The following PAPPA2 variants were observed in gnomAD, a reference collection of about 807,000 sequenced individuals.
PAPPA2 encodes the protein pappalysin 2, also known as pappalysin-2.
PAPPA2 carries 86 observed loss-of-function variants against 176.4 expected under a neutral mutation model. That is an observed-to-expected ratio of 0.49 (90% CI 0.41 to 0.58). The LOEUF is 0.58. PAPPA2 is among the 20% of genes least tolerant of loss of function. PAPPA2 has a pLI of 0.00. For synonymous variants in PAPPA2, 809 were observed against 852.2 expected (o/e 0.95, Z 0.88); for missense variants, 2,073 against 2,256.9 (o/e 0.92, Z 1.65).
At chr1:176,698,763 C>T (rs1660500534) in intron 7 of PAPPA2, among the ~76,000 whole-genome samples, 1 of 152,184 alleles carries the variant, frequency 6.6e-6, no homozygotes, top group Non-Finnish European at 1.5e-5. Context: ...GGACTAATCA[C>T]ATGTAATTCT....
chr1:176,587,450 T>C (rs774884093), intron 2 of PAPPA2, among the ~76,000 whole-genome samples: 3 of 152,236 alleles, frequency 2.0e-5, no homozygotes, highest in Non-Finnish European at 2.9e-5. Flanking sequence ...TTAATCCATC[T>C]TGAGTTAATT....
rs183685914 is a variant in PAPPA2, at chr1:176,844,701, G to A, written c.*2247G>A. ...AAAATTTTATAAACTTGTTTTATTGGGGAAAATGTCCAAATTGCTAGACAC... is the reference window on the plus strand; with the variant it reads ...AAAATTTTATAAACTTGTTTTATTGAGGAAAATGTCCAAATTGCTAGACAC... On this transcript the variant is annotated 3_prime_UTR_variant, in exon 23 of 23. Coordinates refer to ENST00000367662, the MANE Select transcript of PAPPA2 (RefSeq NM_020318.3). The A allele has an allele frequency of 6.6e-6, 1 of 152,112 alleles. No individual in the cohort carries two copies. Among genetic ancestry groups the A allele is most frequent in the Admixed American group, 6.5e-5 (1 of 15,272 alleles). The allele number at this position is 152,112 out of a possible 1,614,324, so 9.4% of individuals were successfully genotyped here.
chr1:176,684,483 G>T (rs376270495), intron 4 of PAPPA2, among the ~76,000 whole-genome samples: 1 of 152,054 alleles, frequency 6.6e-6, no homozygotes, highest in Admixed American at 6.5e-5. Flanking sequence ...GTTTCAATGT[G>T]TCAGGCAAGA....
chr1:176,641,265 A>G (rs1379603978), intron 3 of PAPPA2, among the ~76,000 whole-genome samples: 2 of 152,128 alleles, frequency 1.3e-5, no homozygotes, highest in South Asian at 2.1e-4. Flanking sequence ...AGTTCTTGCC[A>G]TGCCTATGTC....
chr1:176,473,787 T>A (rs1371097514), intron 1 of PAPPA2, among the ~76,000 whole-genome samples: 2 of 152,254 alleles, frequency 1.3e-5, no homozygotes, highest in African/African-American at 4.8e-5. Flanking sequence ...TGATATATGA[T>A]GTTGAACGTC....
chr1:176,566,941 G>A (rs1652018834), intron 2 of PAPPA2, among the ~76,000 whole-genome samples: 1 of 152,108 alleles, frequency 6.6e-6, no homozygotes, highest in South Asian at 2.1e-4. Context: ...ACATCCATTA[G>A]CTTCAGTTCC....
At chr1:176,475,958 G>A (rs1338470622) in intron 1 of PAPPA2, among the ~76,000 whole-genome samples, 1 of 152,136 alleles carries the variant, frequency 6.6e-6, no homozygotes, top group Non-Finnish European at 1.5e-5. Flanking sequence ...GGGCTTGCAG[G>A]CAGTGTGCAA....
chr1:176,479,764 C>T (rs1652303741), intron 1 of PAPPA2, among the ~76,000 whole-genome samples: 1 of 152,200 alleles, frequency 6.6e-6, no homozygotes, highest in Non-Finnish European at 1.5e-5. Flanking sequence ...TTGCTTTCTG[C>T]ATGGAATTTA....
At chr1:176,835,942 TGATGTTCTTTG>T (rs1460471534) in intron 21 of PAPPA2, among the ~76,000 whole-genome samples, 1 of 152,140 alleles carries the variant, frequency 6.6e-6, no homozygotes, top group Non-Finnish European at 1.5e-5. Context: ...GCTCTAGTCT[TGATGTTCTTTG>T]CATTGTTTGG....
At chr1:176,753,554 C>CT (rs77817405) in intron 14 of PAPPA2, among the ~76,000 whole-genome samples, 2,622 of 73,514 alleles carry the variant, frequency 0.036, 212 homozygotes, top group African/African-American at 0.047. Context: ...AAGGCTCCTC[C>CT]TTTTTTTTTT....
intron 1 of PAPPA2, among the ~76,000 whole-genome samples, chr1:176,505,451 C>T (rs1228636788): frequency 6.6e-6 from 1 of 151,972 alleles, no homozygotes; most frequent in Non-Finnish European, 1.5e-5. Flanking sequence ...GACTGTGATT[C>T]TTGAAAGTAG....
chr1:176,488,833 A>C (rs1294257737), intron 1 of PAPPA2, among the ~76,000 whole-genome samples: 3 of 152,098 alleles, frequency 2.0e-5, no homozygotes, highest in African/African-American at 7.2e-5. Flanking sequence ...CCTCTCCATC[A>C]GAATCTTGGG....
intron 3 of PAPPA2, among the ~76,000 whole-genome samples, chr1:176,667,650 G>C (rs886346201): frequency 6.6e-6 from 1 of 152,078 alleles, no homozygotes; most frequent in Non-Finnish European, 1.5e-5. Flanking sequence ...CTCTGGAGTG[G>C]GTTTGCTCTG....
chr1:176,843,406 T>G lies in PAPPA2; in HGVS notation c.*952T>G, dbSNP rs867799610. 1 of 152,112 alleles carries G rather than the reference T, an allele frequency of 6.6e-6. No individual in the cohort carries two copies. The highest frequency in any genetic ancestry group is 1.5e-5 in the Non-Finnish European group (1 of 68,036). 9.4% of individuals were successfully genotyped at this position (152,112 alleles called of 1,614,324 possible). On this transcript the variant is annotated 3_prime_UTR_variant, in exon 23 of 23. Coordinates refer to ENST00000367662, the MANE Select transcript of PAPPA2 (RefSeq NM_020318.3). ...CTGTCCACAAAGAATATACTAACTT[T>G]TGTCAACTTCTCAGAACTCCCAACT...
At chr1:176,511,796 C>G (rs1648611914) in intron 1 of PAPPA2, among the ~76,000 whole-genome samples, 1 of 152,132 alleles carries the variant, frequency 6.6e-6, no homozygotes, top group African/African-American at 2.4e-5. Flanking sequence ...TCCTGGTTCT[C>G]AGACCTTCAA....
intron 3 of PAPPA2, among the ~76,000 whole-genome samples, chr1:176,626,384 G>A (rs916440042): frequency 1.8e-4 from 27 of 152,138 alleles, no homozygotes; most frequent in African/African-American, 4.6e-4. Flanking sequence ...CATTATATTC[G>A]TAAGATTATG....
At chr1:176,812,986 T>C (rs1666222774) in intron 21 of PAPPA2, among the ~76,000 whole-genome samples, 1 of 151,980 alleles carries the variant, frequency 6.6e-6, no homozygotes, top group Non-Finnish European at 1.5e-5. Flanking sequence ...TGTTCCCCCA[T>C]TCTGTTCATG....
intron 21 of PAPPA2, among the ~76,000 whole-genome samples, chr1:176,830,516 G>A (rs992425620): frequency 5.3e-5 from 8 of 152,292 alleles, no homozygotes; most frequent in African/African-American, 1.4e-4. Context: ...TTTGTTCAAG[G>A]TTTCTATGTC....
chr1:176,532,755 A>T (rs2102554395), intron 1 of PAPPA2, among the ~76,000 whole-genome samples: 1 of 152,276 alleles, frequency 6.6e-6, no homozygotes, highest in East Asian at 1.9e-4. Context: ...CAGCCACGTC[A>T]TGTCATGTTT....
Sources: allele counts gnomAD v4.1 joint callset (sites outside exome capture counted in the v4.1 genomes callset), GRCh38; gene constraint gnomAD v4.1.1; transcripts MANE v1.5; gene names NCBI Gene and HGNC (gene_info 2026-07-23, HGNC 2026-07-21).